Variants in ZC4H2 observed in about 807,000 individuals in gnomAD.
ZC4H2 encodes the protein zinc finger C4H2 domain-containing protein.
For missense variants in ZC4H2, 137 were observed against 173.9 expected (o/e 0.79, Z 1.19); for synonymous variants, 84 against 66.3 (o/e 1.27, Z -1.30).
At chrX:64,948,954 T>C (rs1030204674) in intron 1 of ZC4H2, among the ~76,000 whole-genome samples, 3 of 111,923 alleles carry the variant, frequency 2.7e-5, no homozygotes. Flanking sequence ...ACATATTGAC[T>C]AAATTTAAAG....
intron 1 of ZC4H2, among the ~76,000 whole-genome samples, chrX:64,942,873 A>G (rs1355883957): frequency 8.1e-5 from 9 of 111,745 alleles, no homozygotes; most frequent in Admixed American, 6.6e-4. Context: ...GTCAGATGGT[A>G]TTTCTAATTA....
intron 1 of ZC4H2, among the ~76,000 whole-genome samples, chrX:64,985,593 C>T (rs1396719535): frequency 9.0e-6 from 1 of 110,725 alleles, no homozygotes; most frequent in Non-Finnish European, 1.9e-5. Flanking sequence ...GAGATGGGCC[C>T]GTAAATAAGC....
At chrX:64,976,529 T>A (rs1286977335), upstream of ZC4H2, 9 of 559,093 alleles carry the variant, frequency 1.6e-5, no homozygotes, top group Admixed American at 2.8e-4. Flanking sequence ...GTCCGGAGCT[T>A]CAGGGCCAGC....
At chrX:64,954,684 G>T (rs1931083239) in intron 1 of ZC4H2, among the ~76,000 whole-genome samples, 1 of 107,953 alleles carries the variant, frequency 9.3e-6, no homozygotes, top group Non-Finnish European at 1.9e-5. Flanking sequence ...CTTCAATACA[G>T]GTTTCTATAA....
rs953016414 is a variant in ZC4H2 at position 64,974,997 on chromosome X, A to T, written c.53+1328T>A. 1.7e-3 allele frequency among the ~76,000 whole-genome samples: 186 copies of T among 108,596 alleles called. 1 individual carries two copies. The highest frequency in any genetic ancestry group is 2.0e-3 in the Non-Finnish European group (105 of 52,389). 94.3% of individuals were successfully genotyped at this position (108,596 alleles called of 115,157 possible). ...CCAAAAAAAAAAAAAAAAAAAAAAA[A>T]AATTGCAACATATTCCCTTCTCCTT... On this transcript the variant is annotated intron_variant, in intron 1 of 4. Transcript: ENST00000374839.
At chrX:64,946,946 T>A (rs905665708) in intron 1 of ZC4H2, among the ~76,000 whole-genome samples, 2 of 111,751 alleles carry the variant, frequency 1.8e-5, no homozygotes, top group African/African-American at 6.5e-5. Context: ...ATTATTGTTT[T>A]AAGGCATCTC....
At chrX:64,946,173 C>G (rs1569211057) in intron 1 of ZC4H2, among the ~76,000 whole-genome samples, 1 of 111,515 alleles carries the variant, frequency 9.0e-6, no homozygotes, top group African/African-American at 3.3e-5. Flanking sequence ...AAAAAAACCT[C>G]CTCCAGCTAG....
intron 1 of ZC4H2, among the ~76,000 whole-genome samples, chrX:64,952,942 C>A (rs1930935210): frequency 9.0e-6 from 1 of 111,668 alleles, no homozygotes; most frequent in Non-Finnish European, 1.9e-5. Context: ...CTACAGTAAC[C>A]AAAACAGCAT....
chrX:65,027,185 A>G (rs1442198602), intron 1 of ZC4H2, among the ~76,000 whole-genome samples: 1 of 112,186 alleles, frequency 8.9e-6, no homozygotes, highest in Non-Finnish European at 1.9e-5. Flanking sequence ...CTGAGCATGA[A>G]GTAGAATGTA....
At position 64,947,127 on chromosome X, in the gene ZC4H2, G is replaced by A. The variant is rs191589112; in HGVS notation, c.54-25139C>T. 3.5e-3 allele frequency among the ~76,000 whole-genome samples: 387 copies of A among 112,043 alleles called. 1 individual carries two copies. The highest frequency in any genetic ancestry group is 0.012 in the African/African-American group (357 of 30,917). On this transcript the variant is annotated intron_variant, in intron 1 of 4. Coordinates refer to ENST00000374839, the MANE Select transcript of ZC4H2 (RefSeq NM_018684.4). ...GATATATGTTGTTTAGTGTCCAAGC[G>A]TGTGTAGATTTTTCTGGTAATTTTT... is the stretch of plus-strand genomic sequence containing the variant.
chrX:64,967,416 T>C (rs1176198729), intron 1 of ZC4H2, among the ~76,000 whole-genome samples: 1 of 112,206 alleles, frequency 8.9e-6, no homozygotes, highest in Non-Finnish European at 1.9e-5. Flanking sequence ...TTAAAAATTG[T>C]ATTAAGCAAG....
Position 64,954,356 on chromosome X carries a change from T to TTA in ZC4H2, c.53+21967_53+21968dup, listed in dbSNP as rs777562741. Among the ~76,000 whole-genome samples, 224 of 67,380 alleles carry TTA rather than the reference T, an allele frequency of 3.3e-3. 12 individuals carry two copies. The highest frequency in any genetic ancestry group is 0.015 in the African/African-American group (111 of 7,202). The allele number at this position is 67,380 out of a possible 115,157, so 58.5% of individuals were successfully genotyped here. The stretch of plus-strand genomic sequence containing the variant: ...TATATATAATTATATATATATATAA[T>TTA]TATATATATATATATAATTATATAT... On this transcript the variant is annotated intron_variant, in intron 1 of 4. Transcript: ENST00000374839.
intron 1 of ZC4H2, among the ~76,000 whole-genome samples, chrX:64,942,191 T>C (rs186351837): frequency 2.1e-4 from 23 of 111,573 alleles, no homozygotes; most frequent in African/African-American, 7.5e-4. Flanking sequence ...AAAGGTGTTT[T>C]TAGTATTCTC....
chrX:64,945,657 T>G (rs1193267099), intron 1 of ZC4H2, among the ~76,000 whole-genome samples: 4 of 111,448 alleles, frequency 3.6e-5, no homozygotes, highest in Non-Finnish European at 1.9e-5. Context: ...CAGGAACATT[T>G]AAGTCTGCTG....
intron 1 of ZC4H2, among the ~76,000 whole-genome samples, chrX:64,994,986 G>T (rs1406966216): frequency 9.0e-6 from 1 of 110,617 alleles, no homozygotes; most frequent in Non-Finnish European, 1.9e-5. Flanking sequence ...ACTGCTAGTG[G>T]TAGCCATAAT....
At chrX:64,966,876 T>G (rs1008462389) in intron 1 of ZC4H2, among the ~76,000 whole-genome samples, 9 of 111,971 alleles carry the variant, frequency 8.0e-5, no homozygotes, top group Non-Finnish European at 1.3e-4. Flanking sequence ...TGGTGATGAT[T>G]GTACAACTCT....
upstream of ZC4H2, chrX:64,976,539 C>T: frequency 2.0e-6 from 1 of 508,558 alleles, no homozygotes; most frequent in Non-Finnish European, 3.3e-6. Flanking sequence ...TCAGGGCCAG[C>T]CAGGAAGCCC....
chrX:64,953,472 C>G (rs922231334), intron 1 of ZC4H2, among the ~76,000 whole-genome samples: 2 of 111,806 alleles, frequency 1.8e-5, no homozygotes, highest in Non-Finnish European at 3.8e-5. Context: ...AACAAATTTA[C>G]AAGGAAAAAA....
At chrX:65,010,885 C>T (rs999806307) in intron 1 of ZC4H2, among the ~76,000 whole-genome samples, 20 of 111,831 alleles carry the variant, frequency 1.8e-4, no homozygotes, top group African/African-American at 6.5e-4. Flanking sequence ...TTCATAGTTA[C>T]TATTTTCAAA....
Sources: gnomAD v4.1 joint callset for allele counts (sites outside exome capture counted in the v4.1 genomes callset) on GRCh38, gnomAD v4.1.1 for gene constraint, MANE v1.5 for transcripts, NCBI Gene and HGNC (gene_info 2026-07-23, HGNC 2026-07-21) for gene names.